Variants in SNTA1 observed in about 807,000 individuals in gnomAD.
The protein encoded by SNTA1 is alpha-1-syntrophin.
SNTA1 carries 31 observed loss-of-function variants against 47.1 expected under a neutral mutation model. The ratio of observed to expected loss-of-function variants is 0.66; its 90% confidence interval spans 0.49 to 0.89. The LOEUF is 0.89. Among genes scored for constraint, SNTA1 ranks in the 40% least tolerant of loss-of-function variants. The pLI is 0.00. For missense variants in SNTA1, 575 were observed against 693.0 expected, an observed-to-expected ratio of 0.83 and a Z score of 1.91; for synonymous variants, 300 against 313.6, an observed-to-expected ratio of 0.96 and a Z score of 0.46.
At chr20:33,424,416 G>A (rs1336577766) in intron 2 of SNTA1, among the ~76,000 whole-genome samples, 1 of 151,906 alleles carries the variant, frequency 6.6e-6, no homozygotes, top group Non-Finnish European at 1.5e-5. Context: ...GCTCACACCT[G>A]TAATCCCAGG....
intron 2 of SNTA1, among the ~76,000 whole-genome samples, chr20:33,421,014 T>TA (rs200749128): frequency 1.1e-3 from 165 of 148,650 alleles, no homozygotes; most frequent in African/African-American, 3.9e-3. Flanking sequence ...AAGTAAAATT[T>TA]AAAAAAAAAT....
At chr20:33,412,264 G>C (rs374108135) in intron 5 of SNTA1, 32 bp downstream of exon 5, 19 of 1,600,048 alleles carry the variant, frequency 1.2e-5, no homozygotes, top group Non-Finnish European at 1.4e-5. Context: ...GGCAAGTTCT[G>C]GGGGAGACAT....
chr20:33,442,194 T>C (rs1016571184), intron 1 of SNTA1, among the ~76,000 whole-genome samples: 7 of 152,202 alleles, frequency 4.6e-5, no homozygotes, highest in Non-Finnish European at 7.3e-5. Flanking sequence ...ACTAGTGTCC[T>C]GGGCACAGCA....
In SNTA1 at chr20:33,443,296, G is replaced by A; in HGVS notation, c.310+15C>T. On this transcript the variant is annotated intron_variant, in intron 1 of 7. Transcript: ENST00000217381. ...CAGACACCACGACCCCGCGCCCTCG[G>A]TGTCCCGCGCCCACCTTTGATGCTG... 6.6e-7 allele frequency: 1 copy of A among 1,503,982 alleles called. No homozygotes were observed. Among genetic ancestry groups the A allele is most frequent in the Non-Finnish European group, 8.8e-7 (1 of 1,132,788 alleles). The allele number at this position is 1,503,982 out of a possible 1,614,324, so 93.2% of individuals were successfully genotyped here.
At chr20:33,411,974 T>C (rs1453757815) in intron 5 of SNTA1, among the ~76,000 whole-genome samples, 1 of 152,220 alleles carries the variant, frequency 6.6e-6, no homozygotes, top group Non-Finnish European at 1.5e-5. Context: ...CTGTAATGGC[T>C]GTTCCTGGGT....
intron 2 of SNTA1, among the ~76,000 whole-genome samples, chr20:33,438,555 A>G (rs1990498392): frequency 6.6e-6 from 1 of 152,184 alleles, no homozygotes; most frequent in African/African-American, 2.4e-5. Context: ...CTGTTTTACA[A>G]ATGAGGAAAC....
Position 33,443,405 on chromosome 20 carries a change from G to A in SNTA1, c.216C>T (p.Ala72=). 3 of 1,351,388 alleles carry A rather than the reference G, an allele frequency of 2.2e-6. No homozygotes were observed. Among genetic ancestry groups the A allele is most frequent in the South Asian group, 3.6e-5 (2 of 55,946 alleles). 83.7% of individuals were successfully genotyped at this position (1,351,388 alleles called of 1,614,324 possible). Residue 72 remains alanine (A), a synonymous_variant, in exon 1 of 8, where the codon GCC becomes GCT. Transcript: ENST00000217381. ...GCGCCTCTGGCAGCTGCGGGGGCCC[G>A]GCGCCCGGCTCCGCGGCGCCGTTGA... ...AQLNGAAEPG[A]GPPQLPEALL... is the part of the protein sequence containing the mutation.
At chr20:33,419,237 C>T (rs1025016716) in intron 2 of SNTA1, among the ~76,000 whole-genome samples, 13 of 152,174 alleles carry the variant, frequency 8.5e-5, no homozygotes, top group Non-Finnish European at 7.4e-5. Flanking sequence ...CACACCTGCT[C>T]CCAGGGCCAT....
chr20:33,439,062 G>C (rs746905146), intron 1 of SNTA1, 36 bp from the exon 2 acceptor site: 1 of 1,576,262 alleles, frequency 6.3e-7, no homozygotes, highest in Non-Finnish European at 8.7e-7. Context: ...GACTTAGGCA[G>C]ATACTCCAAC....
Position 33,410,006 on chromosome 20 carries a change from TC to T in SNTA1, c.1237+128del, listed in dbSNP as rs1311077309. 69 of 884,598 alleles carry T rather than the reference TC, an allele frequency of 7.8e-5. 2 individuals carry two copies. In the East Asian group the frequency reaches 9.1e-4, roughly 12 times the overall value. 54.8% of individuals were successfully genotyped at this position (884,598 alleles called of 1,614,324 possible). ...GTCTCAAACTTCTGACCTCAGGTGA[TC>T]CACCCACCTTGACCTCCAAACCCCA... On this transcript the variant is annotated intron_variant, in intron 6 of 7. Transcript: ENST00000217381.
chr20:33,417,459 G>A (rs1020262684), intron 3 of SNTA1, among the ~76,000 whole-genome samples: 10 of 152,160 alleles, frequency 6.6e-5, no homozygotes, highest in Non-Finnish European at 1.5e-5. Flanking sequence ...GTTCAAAGAG[G>A]ACCAGGACTG....
rs34754645 is a variant in SNTA1 at position 33,421,957 on chromosome 20, CAA to C, written c.497-4036_497-4035del. On this transcript the variant is annotated intron_variant, in intron 2 of 7. Coordinates refer to ENST00000217381, the MANE Select transcript of SNTA1 (RefSeq NM_003098.3). ...GGGCGACAGAGCAAGACCCTGTCTC[CAA>C]AAAAAAAAAAAAAAAAAAAAAAGTC... Among the ~76,000 whole-genome samples the C allele has an allele frequency of 8.0e-3, 561 of 70,046 alleles. 6 individuals carry two copies. The highest frequency in any genetic ancestry group is 0.029 in the African/African-American group (496 of 16,886). The allele number at this position is 70,046 out of a possible 152,430, so 46.0% of individuals were successfully genotyped here. A position where few individuals can be genotyped will look rare whatever the true frequency, so the allele number is the denominator to read the frequency against.
At chr20:33,425,347 T>C (rs1208000766) in intron 2 of SNTA1, among the ~76,000 whole-genome samples, 1 of 151,962 alleles carries the variant, frequency 6.6e-6, no homozygotes, top group African/African-American at 2.4e-5. Context: ...GGCTTCTCAG[T>C]GTGGAGCAAA....
At position 33,412,331 on chromosome 20, in the gene SNTA1, G is replaced by A; in HGVS notation, c.1005C>T (p.Ser335=). ...TGAGTGGGGCAGTACGGGCTGGCCG[G>A]CTCAGGGCCTCGCGGGTCTCGGGGA... The part of the protein sequence containing the change: ...LSLPETREAL[S]RPARTAPLIA... The change falls in exon 5 of 8, where the codon AGC becomes AGT. Residue 335 remains serine, a synonymous_variant. Coordinates refer to ENST00000217381, the MANE Select transcript of SNTA1 (RefSeq NM_003098.3). 6.2e-7 allele frequency: 1 copy of A among 1,612,024 alleles called. No homozygotes were observed. Among genetic ancestry groups the A allele is most frequent in the African/African-American group, 1.3e-5 (1 of 75,038 alleles).
In SNTA1 at chr20:33,415,245, C is replaced by T. The variant is rs112079025; in HGVS notation, c.702-2463G>A. On this transcript the variant is annotated intron_variant, in intron 3 of 7. Coordinates refer to ENST00000217381, the MANE Select transcript of SNTA1 (RefSeq NM_003098.3). The stretch of plus-strand genomic sequence containing the variant: ...CACTTGCATTTACATGTCATCTACA[C>T]GTGCGCACACTTAGAAACATATACA... Among the ~76,000 whole-genome samples, 590 of 152,302 alleles carry T rather than the reference C, an allele frequency of 3.9e-3. 5 individuals are homozygous for T. Among genetic ancestry groups the T allele is most frequent in the African/African-American group, 0.014 (567 of 41,542 alleles).
At chr20:33,440,194 G>T (rs1189288690) in intron 1 of SNTA1, among the ~76,000 whole-genome samples, 1 of 151,804 alleles carries the variant, frequency 6.6e-6, no homozygotes, top group Non-Finnish European at 1.5e-5. Context: ...GGTGGCTCAC[G>T]CCTGTAATCC....
Position 33,412,432 on chromosome 20 carries a change from G to T in SNTA1, c.910-6C>A. On this transcript the variant is annotated splice_polypyrimidine_tract_variant and splice_region_variant and intron_variant, in intron 4 of 7. Transcript: ENST00000217381. ...GCTGTGCCCCCACTGGGCAGCTGCA[G>T]AGAACAAAACAGCAGTGAGGATGGG... The T allele has an allele frequency of 6.2e-7, 1 of 1,610,960 alleles. No individual in the cohort carries two copies.
chr20:33,428,302 A>G (rs1225495208), intron 2 of SNTA1, among the ~76,000 whole-genome samples: 1 of 152,078 alleles, frequency 6.6e-6, no homozygotes, highest in Non-Finnish European at 1.5e-5. Context: ...CCAGCTATTC[A>G]GGAGGCTGAG....
At chr20:33,412,197 C>A in intron 5 of SNTA1, 99 bp downstream of exon 5, 3 of 1,345,988 alleles carry the variant, frequency 2.2e-6, no homozygotes, top group South Asian at 1.3e-5. Context: ...TGGGGAATAG[C>A]TGAGGGTGGA....
Sources: gnomAD v4.1 joint callset for allele counts (sites outside exome capture counted in the v4.1 genomes callset) on GRCh38, gnomAD v4.1.1 for gene constraint, MANE v1.5 for transcripts, NCBI Gene and HGNC (gene_info 2026-07-23, HGNC 2026-07-21) for gene names.